ANO2: variants seen among roughly 807,000 people sequenced by gnomAD.
The protein encoded by ANO2 is anoctamin 2.
Under a neutral mutation model 124.2 loss-of-function variants are expected in ANO2, and 101 were observed. The observed-to-expected ratio is 0.81, with a 90% CI of 0.69 to 0.96. The LOEUF (loss-of-function observed/expected upper bound fraction) is 0.96. ANO2 is among the 40% of genes least tolerant of loss of function. The probability of loss-of-function intolerance (pLI) is 0.00; values close to 1 mark genes in which losing one functional copy is unlikely to be tolerated. For synonymous variants in ANO2, 486 were observed against 482.5 expected (o/e 1.01, Z -0.09); for missense variants, 1,293 against 1,274.5 (o/e 1.01, Z -0.22).
In ANO2 at chr12:5,599,346, C is replaced by T. The variant is rs564396589; in HGVS notation, c.2233+138G>A. 4 of 1,061,234 alleles carry T rather than the reference C, an allele frequency of 3.8e-6. No individual in the cohort carries two copies. In the African/African-American group the frequency reaches 6.5e-5, roughly 17 times the overall value. 65.7% of individuals were successfully genotyped at this position (1,061,234 alleles called of 1,614,324 possible). A position where few individuals can be genotyped will look rare whatever the true frequency, so the allele number is the denominator to read the frequency against. On this transcript the variant is annotated intron_variant, in intron 20 of 24. Coordinates refer to ENST00000682330, the MANE Select transcript of ANO2 (RefSeq NM_001364791.2). ...AACTTTCATGTGGCACTGAAGGGAACACTGAATAGCCATGAAGCTCATGAA... is the reference window on the plus strand; with the variant it reads ...AACTTTCATGTGGCACTGAAGGGAATACTGAATAGCCATGAAGCTCATGAA...
intron 23 of ANO2, among the ~76,000 whole-genome samples, chr12:5,573,052 C>T (rs1257052182): frequency 1.3e-5 from 2 of 152,074 alleles, no homozygotes; most frequent in African/African-American, 2.4e-5. Context: ...CTGAGTAGCA[C>T]CCATTTGCCT....
intron 15 of ANO2, among the ~76,000 whole-genome samples, chr12:5,642,062 T>G (rs1339984071): frequency 6.6e-6 from 1 of 152,132 alleles, no homozygotes; most frequent in African/African-American, 2.4e-5. Flanking sequence ...CTAGTTTCAG[T>G]CCTCTCCTTG....
At chr12:5,757,689 A>G (rs939482843) in intron 10 of ANO2, among the ~76,000 whole-genome samples, 4 of 152,228 alleles carry the variant, frequency 2.6e-5, no homozygotes, top group African/African-American at 9.6e-5. Context: ...TGAAATTATA[A>G]CTTTGCTTGA....
rs143253724 is a variant in ANO2, at chr12:5,709,888, C to A, written c.1545+22632G>T. ...AAACGGATAGGCGCTGGGAGATGGC[C>A]CAGGGATCCAGGACAGTGGTGGGAA... On this transcript the variant is annotated intron_variant, in intron 14 of 24. Coordinates refer to ENST00000682330, the MANE Select transcript of ANO2 (RefSeq NM_001364791.2). 5.9e-5 allele frequency among the ~76,000 whole-genome samples: 9 copies of A among 152,104 alleles called. No individual in the cohort carries two copies. The East Asian group carries it at 1.7e-3, about 29-fold the overall frequency.
At chr12:5,609,583 G>C (rs1944384323) in intron 19 of ANO2, among the ~76,000 whole-genome samples, 1 of 152,144 alleles carries the variant, frequency 6.6e-6, no homozygotes. Context: ...AGCCTTCTCT[G>C]AGGACCAAGG....
intron 10 of ANO2, among the ~76,000 whole-genome samples, chr12:5,767,501 A>G (rs1456343978): frequency 6.6e-6 from 1 of 152,220 alleles, no homozygotes; most frequent in Non-Finnish European, 1.5e-5. Context: ...GAGAGAAAGA[A>G]AGGAAATGAA....
At chr12:5,924,306 A>G (rs1941974416) in intron 1 of ANO2, among the ~76,000 whole-genome samples, 1 of 152,238 alleles carries the variant, frequency 6.6e-6, no homozygotes, top group Admixed American at 6.5e-5. Flanking sequence ...GACAGAGCTG[A>G]CATGCAGGAA....
At position 5,787,422 on chromosome 12, in the gene ANO2, T is replaced by G. The variant is rs1952569587; in HGVS notation, c.1055+12085A>C. Among the ~76,000 whole-genome samples the G allele has an allele frequency of 6.6e-6, 1 of 152,148 alleles. No homozygotes were observed. On this transcript the variant is annotated intron_variant, in intron 10 of 24. Transcript: ENST00000682330. This position sits in a 1 kb window ranked among gnomAD's most constrained non-coding sequence, Gnocchi z 4.2. ...CAGAGCTGAAGCTCCAGCATCCCAGTGCCTTCCCCCAGCAGTGGGGCATAC... is the reference window on the plus strand; with the variant it reads ...CAGAGCTGAAGCTCCAGCATCCCAGGGCCTTCCCCCAGCAGTGGGGCATAC...
intron 3 of ANO2, among the ~76,000 whole-genome samples, chr12:5,903,300 A>T (rs1940447213): frequency 6.6e-6 from 1 of 152,108 alleles, no homozygotes; most frequent in East Asian, 1.9e-4. Flanking sequence ...CTCTAAGAAC[A>T]GCTAATCCTG....
At chr12:5,603,807 C>T (rs966487357) in intron 19 of ANO2, among the ~76,000 whole-genome samples, 8 of 151,710 alleles carry the variant, frequency 5.3e-5, no homozygotes, top group Middle Eastern at 3.4e-3. Context: ...TAGCAGGGCA[C>T]GGTGGTGGGC....
chr12:5,575,396 A>G (rs1041082995), intron 23 of ANO2, among the ~76,000 whole-genome samples: 1 of 152,222 alleles, frequency 6.6e-6, no homozygotes, highest in Admixed American at 6.5e-5. Flanking sequence ...CAGGAGACAG[A>G]GGGAAAGGAG....
chr12:5,596,750 C>G (rs932097974), intron 20 of ANO2, among the ~76,000 whole-genome samples: 1 of 152,072 alleles, frequency 6.6e-6, no homozygotes, highest in African/African-American at 2.4e-5. Flanking sequence ...GTATATTTCC[C>G]TAACTCTGCC....
At chr12:5,775,634 T>G (rs1282752584) in intron 10 of ANO2, among the ~76,000 whole-genome samples, 1 of 152,102 alleles carries the variant, frequency 6.6e-6, no homozygotes, top group Non-Finnish European at 1.5e-5. Context: ...GCTAATTTTT[T>G]GTATTTTTAA....
intron 14 of ANO2, among the ~76,000 whole-genome samples, chr12:5,665,085 C>T (rs1325548312): frequency 1.3e-5 from 2 of 152,104 alleles, no homozygotes; most frequent in South Asian, 4.1e-4. Flanking sequence ...CCCCTTGCAT[C>T]TCCGTGACAT....
intron 15 of ANO2, among the ~76,000 whole-genome samples, chr12:5,645,559 G>A (rs1358465476): frequency 6.6e-6 from 1 of 152,002 alleles, no homozygotes; most frequent in African/African-American, 2.4e-5. Flanking sequence ...TTATTGGTTA[G>A]TTTTCATTAT....
intron 10 of ANO2, among the ~76,000 whole-genome samples, chr12:5,794,461 G>A (rs1334771298): frequency 6.6e-6 from 1 of 152,150 alleles, no homozygotes; most frequent in East Asian, 1.9e-4. Flanking sequence ...TTAGTATCAG[G>A]CTAAACTATA....
At chr12:5,568,116 T>C (rs185340423) in intron 23 of ANO2, among the ~76,000 whole-genome samples, 83 of 151,554 alleles carry the variant, frequency 5.5e-4, no homozygotes, top group Non-Finnish European at 4.0e-4. Flanking sequence ...CTACTCTATC[T>C]GATCCTAACC....
intron 3 of ANO2, among the ~76,000 whole-genome samples, chr12:5,911,037 A>C (rs1390663343): frequency 6.6e-6 from 1 of 152,048 alleles, no homozygotes; most frequent in East Asian, 1.9e-4. Context: ...AGGGAAGTTG[A>C]TTTCACCCAG....
chr12:5,631,248 T>C (rs994544353), intron 16 of ANO2, among the ~76,000 whole-genome samples: 1 of 152,234 alleles, frequency 6.6e-6, no homozygotes, highest in Non-Finnish European at 1.5e-5. Flanking sequence ...TCTCCAAGCT[T>C]AGCCTTGGTC....
Sources: gnomAD v4.1 joint callset for allele counts (sites outside exome capture counted in the v4.1 genomes callset) on GRCh38, gnomAD v4.1.1 for gene constraint, Gnocchi (gnomAD v3.1) non-coding constraint, MANE v1.5 for transcripts, NCBI Gene and HGNC (gene_info 2026-07-23, HGNC 2026-07-21) for gene names.